Variants in EIF2AK2 observed in about 807,000 individuals in gnomAD.
The protein encoded by EIF2AK2 is interferon-induced, double-stranded RNA-activated protein kinase.
A neutral mutation model predicts 70.5 loss-of-function variants in EIF2AK2; 40 were observed. The ratio of observed to expected loss-of-function variants is 0.57; its 90% CI spans 0.44 to 0.74. The LOEUF (loss-of-function observed/expected upper bound fraction) is 0.74. Among genes scored for constraint, EIF2AK2 ranks in the 30% least tolerant of loss-of-function variants. EIF2AK2 has a pLI of 0.00. For missense variants in EIF2AK2, 555 were observed against 644.3 expected, an observed-to-expected ratio of 0.86 and a Z score of 1.50; for synonymous variants, 198 against 220.9, an observed-to-expected ratio of 0.90 and a Z score of 0.92.
At chr2:37,116,616 C>A (rs1223123898) in intron 13 of EIF2AK2, among the ~76,000 whole-genome samples, 3 of 152,148 alleles carry the variant, frequency 2.0e-5, no homozygotes, top group Non-Finnish European at 2.9e-5. Flanking sequence ...GATGACGGCT[C>A]ATACAGCAAT....
At chr2:37,156,812 T>A (rs889786505) in intron 1 of EIF2AK2, 96 bp downstream of exon 1, 3 of 154,554 alleles carry the variant, frequency 1.9e-5, no homozygotes, top group Non-Finnish European at 4.3e-5. Context: ...GACGCAGGAT[T>A]GGCGAGTCCC....
At chr2:37,145,501 G>C (rs1017748161) in intron 4 of EIF2AK2, among the ~76,000 whole-genome samples, 1 of 151,898 alleles carries the variant, frequency 6.6e-6, no homozygotes, top group Non-Finnish European at 1.5e-5. Flanking sequence ...AAAATAAGAA[G>C]TTTATAAAGT....
chr2:37,109,616 A>G (rs957155383), intron 14 of EIF2AK2: 1 of 238,330 alleles, frequency 4.2e-6, no homozygotes, highest in Non-Finnish European at 8.2e-6. Context: ...GGCGGCTTGC[A>G]TTGCAACTGT....
At chr2:37,131,276 A>C (rs896203167) in intron 10 of EIF2AK2, among the ~76,000 whole-genome samples, 1 of 152,142 alleles carries the variant, frequency 6.6e-6, no homozygotes, top group African/African-American at 2.4e-5. Context: ...CAGTTCTCAT[A>C]ATCAGGCCCT....
intron 4 of EIF2AK2, among the ~76,000 whole-genome samples, chr2:37,142,885 G>A (rs543993453): frequency 6.6e-6 from 1 of 152,136 alleles, no homozygotes; most frequent in East Asian, 1.9e-4. Context: ...CTTCTCTCTA[G>A]ATGCTTATAA....
chr2:37,133,749 T>C (rs1675029629), intron 10 of EIF2AK2, among the ~76,000 whole-genome samples: 1 of 152,214 alleles, frequency 6.6e-6, no homozygotes, highest in Non-Finnish European at 1.5e-5. Flanking sequence ...TCCCAAACTT[T>C]CATTGCTTCC....
At chr2:37,140,206 C>A (rs1442849403) in intron 5 of EIF2AK2, among the ~76,000 whole-genome samples, 1 of 151,196 alleles carries the variant, frequency 6.6e-6, no homozygotes, top group African/African-American at 2.4e-5. Flanking sequence ...AAGAGCAAAG[C>A]ATGGATTCTG....
chr2:37,141,498 C>A, intron 5 of EIF2AK2, 55 bp downstream of exon 5: 1 of 1,571,912 alleles, frequency 6.4e-7, no homozygotes, highest in Non-Finnish European at 8.6e-7. Flanking sequence ...GAAAATAAAC[C>A]AACTTTATTG....
intron 12 of EIF2AK2, 95 bp downstream of exon 12, chr2:37,122,411 T>C: frequency 7.8e-7 from 1 of 1,287,510 alleles, no homozygotes; most frequent in Non-Finnish European, 1.1e-6. Context: ...TGATAATTAA[T>C]CGTGATGATT....
Position 37,114,879 on chromosome 2 carries a change from A to C in EIF2AK2, c.1249-20T>G. Reference sequence around the variant, plus strand: ...ACTTGGCTATGAAAAAAAAAAATTTAACTTACATGTACCAACTTAACATAC... The same window carrying C: ...ACTTGGCTATGAAAAAAAAAAATTTCACTTACATGTACCAACTTAACATAC... On this transcript the variant is annotated intron_variant, in intron 13 of 16. Transcript: ENST00000233057. 6.7e-7 allele frequency: 1 copy of C among 1,493,302 alleles called. No individual in the cohort carries two copies. 92.5% of individuals were successfully genotyped at this position (1,493,302 alleles called of 1,614,324 possible).
Position 37,147,684 on chromosome 2 carries a change from C to G in EIF2AK2, c.119+4G>C, listed in dbSNP as rs1380977824. 1 of 1,575,340 alleles carries G rather than the reference C, an allele frequency of 6.3e-7. No homozygotes were observed. The highest frequency in any genetic ancestry group is 2.2e-5 in the East Asian group (1 of 44,584). On this transcript the variant is annotated splice_donor_region_variant and intron_variant, in intron 3 of 16. Coordinates refer to ENST00000233057, the MANE Select transcript of EIF2AK2 (RefSeq NM_001135651.3). ...CTGCCATATCATTTTTTATAGCAAC[C>G]TACCTCCTATCATGTGGAGGTCCTG...
At chr2:37,144,273 G>C (rs952653119) in intron 4 of EIF2AK2, among the ~76,000 whole-genome samples, 1 of 147,648 alleles carries the variant, frequency 6.8e-6, no homozygotes, top group African/African-American at 2.5e-5. Flanking sequence ...ATTATGTATA[G>C]TACATAATAC....
intron 14 of EIF2AK2, among the ~76,000 whole-genome samples, chr2:37,113,149 C>T (rs1674215587): frequency 1.3e-5 from 2 of 151,994 alleles, no homozygotes; most frequent in Admixed American, 6.5e-5. Context: ...GTAATAGAAG[C>T]CTCCAAAATA....
intron 9 of EIF2AK2, among the ~76,000 whole-genome samples, chr2:37,136,181 T>C (rs1675120888): frequency 6.6e-6 from 1 of 152,230 alleles, no homozygotes; most frequent in Non-Finnish European, 1.5e-5. Flanking sequence ...AAACTAAACA[T>C]ATCCAAACTG....
chr2:37,140,565 G>A (rs1248364246), intron 5 of EIF2AK2, among the ~76,000 whole-genome samples: 1 of 151,650 alleles, frequency 6.6e-6, no homozygotes, highest in Admixed American at 6.6e-5. Context: ...TGAGTGACTG[G>A]ATCATTTCTA....
intron 4 of EIF2AK2, among the ~76,000 whole-genome samples, chr2:37,145,759 T>C: frequency 1.1e-5 from 1 of 92,198 alleles, no homozygotes; most frequent in African/African-American, 4.3e-5. Context: ...TTTTTTTTTT[T>C]TTTTTTTTTT....
chr2:37,153,337 C>CTCTTTTTTTTTT lies in EIF2AK2; in HGVS notation c.-184+3570_-184+3571insAAAAAAAAAAGA, dbSNP rs777537067. Among the ~76,000 whole-genome samples the CTCTTTTTTTTTT allele has an allele frequency of 1.8e-3, 196 of 109,842 alleles. 12 individuals carry two copies. Among genetic ancestry groups the CTCTTTTTTTTTT allele is most frequent in the Non-Finnish European group, 2.5e-3 (135 of 54,598 alleles). The allele number at this position is 109,842 out of a possible 152,430, so 72.1% of individuals were successfully genotyped here. A position where few individuals can be genotyped will look rare whatever the true frequency, so the allele number is the denominator to read the frequency against. On this transcript the variant is annotated intron_variant, in intron 1 of 16. Coordinates refer to ENST00000233057, the MANE Select transcript of EIF2AK2 (RefSeq NM_001135651.3). Reference sequence around the variant, plus strand: ...CCCAGTCCTTTCAGTCTCTGCTAATCTTTTTTTTTTTTTTTTTTTTTGAGA... The same window carrying CTCTTTTTTTTTT: ...CCCAGTCCTTTCAGTCTCTGCTAATCTCTTTTTTTTTTTTTTTTTTTTTTTTTTTTTTTGAGA...
intron 1 of EIF2AK2, among the ~76,000 whole-genome samples, chr2:37,156,051 G>A (rs1339654338): frequency 2.6e-5 from 4 of 152,126 alleles, no homozygotes; most frequent in African/African-American, 7.2e-5. Context: ...GGGGTTTCTT[G>A]TATAGGCAGG....
chr2:37,154,361 A>C (rs1675849160), intron 1 of EIF2AK2, among the ~76,000 whole-genome samples: 1 of 152,036 alleles, frequency 6.6e-6, no homozygotes, highest in South Asian at 2.1e-4. Context: ...ACAAACAAAA[A>C]AACATCAATT....
Sources: allele counts gnomAD v4.1 joint callset (sites outside exome capture counted in the v4.1 genomes callset), GRCh38; gene constraint gnomAD v4.1.1; transcripts MANE v1.5; gene names NCBI Gene and HGNC (gene_info 2026-07-23, HGNC 2026-07-21).